CFAP54: variants seen among roughly 807,000 people sequenced by gnomAD.
CFAP54 encodes cilia- and flagella-associated protein 54.
In CFAP54, 290 loss-of-function variants were observed where a neutral mutation model predicts 370.4. The ratio of observed to expected loss-of-function variants is 0.78; its 90% CI spans 0.71 to 0.86. The LOEUF is 0.86. Ranked by LOEUF, CFAP54 falls within the 40% of genes least tolerant of loss-of-function variation. The pLI is 0.00. For missense variants in CFAP54, 3,399 were observed against 3,528.7 expected (o/e 0.96, Z 0.93); for synonymous variants, 1,206 against 1,236.5 (o/e 0.98, Z 0.52).
At chr12:96,535,450 C>A in intron 11 of CFAP54, 65 bp from the exon 12 acceptor site, 1 of 995,990 alleles carries the variant, frequency 1.0e-6, no homozygotes, top group Non-Finnish European at 1.5e-6. Context: ...TGTTTCTGTG[C>A]CTTTTCTATT....
intron 46 of CFAP54, among the ~76,000 whole-genome samples, chr12:96,701,320 A>G (rs1226403528): frequency 6.6e-6 from 1 of 152,038 alleles, no homozygotes; most frequent in Non-Finnish European, 1.5e-5. Flanking sequence ...AATTAGCAAT[A>G]TTTTCTTGCT....
chr12:96,826,309 CAATA>C (rs1565993276), intron 65 of CFAP54, among the ~76,000 whole-genome samples: 1 of 140,214 alleles, frequency 7.1e-6, no homozygotes, highest in African/African-American at 2.6e-5. Context: ...ATATAGAAGA[CAATA>C]TATATATTGA....
In CFAP54 at chr12:96,564,731, A is replaced by T. The variant is rs1462285036; in HGVS notation, c.2585A>T (p.Asp862Val). The change falls in exon 19 of 68, where the codon GAT (aspartate) becomes GTT (valine). Residue 862 changes from aspartate (D) to valine (V), a missense_variant. Asp to Val is a radical substitution (Grantham distance 152). Coordinates refer to ENST00000524981, the MANE Select transcript of CFAP54 (RefSeq NM_001306084.2). ...AAAGCTCTTTTAATATTCGAGAAAG[A>T]TGCAACTTCTACATCTTCATGGGAA... Reference protein sequence around the residue: ...MQKALLIFEKDATSTSSWELL... With the variant: ...MQKALLIFEKVATSTSSWELL... 4 of 629,762 alleles carry T rather than the reference A, an allele frequency of 6.4e-6. No homozygotes were observed. Among genetic ancestry groups the T allele is most frequent in the Non-Finnish European group, 1.1e-5 (4 of 358,282 alleles). The allele number at this position is 629,762 out of a possible 1,614,324, so 39.0% of individuals were successfully genotyped here.
chr12:96,650,176 T>C (rs1956843114), intron 35 of CFAP54, 104 bp downstream of exon 35: 1 of 1,049,506 alleles, frequency 9.5e-7, no homozygotes, highest in Non-Finnish European at 1.4e-6. Flanking sequence ...TACATAATTT[T>C]AGTTGTGACT....
At chr12:96,743,167 A>G (rs1472104150) in intron 52 of CFAP54, among the ~76,000 whole-genome samples, 2 of 152,142 alleles carry the variant, frequency 1.3e-5, no homozygotes, top group Non-Finnish European at 2.9e-5. Flanking sequence ...TTCCAAATTA[A>G]ATTATCTCAT....
At chr12:96,782,792 C>A (rs1958593142) in intron 60 of CFAP54, among the ~76,000 whole-genome samples, 1 of 152,120 alleles carries the variant, frequency 6.6e-6, no homozygotes, top group South Asian at 2.1e-4. Context: ...TAAAAAAGAA[C>A]AACCTAGTGA....
intron 46 of CFAP54, among the ~76,000 whole-genome samples, chr12:96,704,295 C>G (rs940436835): frequency 4.0e-5 from 6 of 150,542 alleles, no homozygotes; most frequent in Non-Finnish European, 7.4e-5. Flanking sequence ...GACGTGGTGG[C>G]GGGCACCTGT....
At chr12:96,682,473 T>C in intron 40 of CFAP54, 1 of 219,550 alleles carries the variant, frequency 4.6e-6, no homozygotes, top group Admixed American at 6.5e-5. Context: ...CCTTCTGGGC[T>C]CAATCCATCC....
At chr12:96,656,809 T>C (rs550205644) in intron 36 of CFAP54, among the ~76,000 whole-genome samples, 1 of 152,366 alleles carries the variant, frequency 6.6e-6, no homozygotes, top group Non-Finnish European at 1.5e-5. Flanking sequence ...CTAGAAGACT[T>C]ACTGTAGAAT....
intron 30 of CFAP54, among the ~76,000 whole-genome samples, chr12:96,629,738 T>C (rs1464326725): frequency 1.3e-5 from 2 of 152,230 alleles, no homozygotes; most frequent in Non-Finnish European, 2.9e-5. Flanking sequence ...TGTGTCCTTA[T>C]GCATGTGTGA....
In CFAP54 at chr12:96,615,924, A is replaced by T. The variant is rs1956411710; in HGVS notation, c.3640-5666A>T. On this transcript the variant is annotated intron_variant, in intron 26 of 67. Transcript: ENST00000524981. ...TTTTACACAGTTGGTGGGACTGTAAACTAGTTCAACCATTGTGGAAGACAG... is the reference window on the plus strand; with the variant it reads ...TTTTACACAGTTGGTGGGACTGTAATCTAGTTCAACCATTGTGGAAGACAG... Among the ~76,000 whole-genome samples, 8 of 152,228 alleles carry T rather than the reference A, an allele frequency of 5.3e-5. No individual in the cohort carries two copies. In the South Asian group the frequency reaches 1.7e-3, roughly 32 times the overall value.
Position 96,641,917 on chromosome 12 carries a change from G to A in CFAP54, c.4317-2261G>A, listed in dbSNP as rs189035113. Among the ~76,000 whole-genome samples, 185 of 147,022 alleles carry A rather than the reference G, an allele frequency of 1.3e-3. No individual in the cohort carries two copies. In the East Asian group the frequency reaches 0.027, roughly 22 times the overall value. On this transcript the variant is annotated intron_variant, in intron 32 of 67. Transcript: ENST00000524981. ...CACAGGAAGGGGAACATCACACACC[G>A]GGGCCTGTTGTGGGGTGGTGCGGGG... is the stretch of plus-strand genomic sequence containing the variant.
At chr12:96,615,291 G>A (rs963722999) in intron 26 of CFAP54, among the ~76,000 whole-genome samples, 16 of 152,252 alleles carry the variant, frequency 1.1e-4, no homozygotes, top group Non-Finnish European at 2.4e-4. Flanking sequence ...AATGGTGCTG[G>A]GAAAACTTGC....
At chr12:96,541,010 G>A in intron 14 of CFAP54, 23 bp downstream of exon 14, 1 of 1,441,578 alleles carries the variant, frequency 6.9e-7, no homozygotes. Flanking sequence ...CTGAAAAATT[G>A]TATACATATA....
Position 96,831,530 on chromosome 12 carries a change from G to A in CFAP54, c.9171+2442G>A, listed in dbSNP as rs150265776. Among the ~76,000 whole-genome samples, 628 of 152,256 alleles carry A rather than the reference G, an allele frequency of 4.1e-3. 4 individuals are homozygous for A. Among genetic ancestry groups the A allele is most frequent in the African/African-American group, 0.014 (593 of 41,550 alleles). ...CTACAAAGCCTAACTTATTTATTAC[G>A]TCACCCTTTACAGAAAAGGTTTGCT... On this transcript the variant is annotated intron_variant, in intron 66 of 67. Transcript: ENST00000524981.
At position 96,764,246 on chromosome 12, in the gene CFAP54, A is replaced by G; in HGVS notation, c.8136A>G (p.Ala2712=). ...CCTGGATTGCAATAAGAGCTGCTGC[A>G]CAGGTTGGTGTGATTTTTGTTTAAT... ...SLAWIAIRAA[A]QVSEAVLAIN... The change falls in exon 59 of 68, where the codon GCA becomes GCG. Residue 2712 remains alanine, a synonymous_variant. Coordinates refer to ENST00000524981, the MANE Select transcript of CFAP54 (RefSeq NM_001306084.2). 6.2e-7 allele frequency: 1 copy of G among 1,609,298 alleles called. No homozygotes were observed. Among genetic ancestry groups the G allele is most frequent in the South Asian group, 1.1e-5 (1 of 90,416 alleles).
At chr12:96,785,237 A>T (rs893794047) in intron 61 of CFAP54, among the ~76,000 whole-genome samples, 1 of 152,168 alleles carries the variant, frequency 6.6e-6, no homozygotes, top group Admixed American at 6.5e-5. Context: ...GGCTTTAGAG[A>T]AAGAGTGGTC....
intron 33 of CFAP54, chr12:96,645,254 A>G (rs1384590266): frequency 7.1e-6 from 3 of 422,098 alleles, no homozygotes; most frequent in Non-Finnish European, 1.4e-5. Context: ...TAGCTATTAA[A>G]AAGATACAAA....
At chr12:96,826,839 T>C (rs1959117534) in intron 65 of CFAP54, among the ~76,000 whole-genome samples, 1 of 113,704 alleles carries the variant, frequency 8.8e-6, no homozygotes, top group Non-Finnish European at 1.6e-5. Context: ...TAATATATCA[T>C]ATAATATTAT....
Sources: allele counts gnomAD v4.1 joint callset (sites outside exome capture counted in the v4.1 genomes callset), GRCh38; gene constraint gnomAD v4.1.1; transcripts MANE v1.5; gene names NCBI Gene and HGNC (gene_info 2026-07-23, HGNC 2026-07-21).